The following MYCBP2 variants were observed in gnomAD, a reference collection of about 807,000 sequenced individuals.
MYCBP2 encodes E3 ubiquitin-protein ligase MYCBP2.
Under a neutral mutation model 525.3 loss-of-function variants are expected in MYCBP2, and 120 were observed. The ratio of observed to expected loss-of-function variants is 0.23; its 90% CI spans 0.20 to 0.27. The LOEUF (loss-of-function observed/expected upper bound fraction) is 0.27, where lower values mean the gene tolerates loss of function less well. Ranked by LOEUF, MYCBP2 falls within the 10% of genes least tolerant of loss-of-function variation. The probability of loss-of-function intolerance (pLI) is 1.00; values close to 1 mark genes in which losing one functional copy is unlikely to be tolerated. For synonymous variants in MYCBP2, 1,894 were observed against 1,955.8 expected (o/e 0.97, Z 0.83); for missense variants, 4,149 against 5,657.1 (o/e 0.73, Z 8.55).
At position 77,102,331 on chromosome 13, in the gene MYCBP2, C is replaced by T. The variant is rs1429805965; in HGVS notation, c.8141-3318G>A. On this transcript the variant is annotated intron_variant, in intron 55 of 82. Coordinates refer to ENST00000544440, the MANE Select transcript of MYCBP2 (RefSeq NM_015057.5). ...TATATTTCCTATTTATATGTTTATA[C>T]TGTCAATTGTATAATGAGAAACATA... 2.0e-5 allele frequency among the ~76,000 whole-genome samples: 3 copies of T among 151,438 alleles called. No homozygotes were observed. The East Asian group carries it at 5.8e-4, about 29-fold the overall frequency.
At chr13:77,267,960 C>T in intron 7 of MYCBP2, 23 bp from the exon 8 acceptor site, 1 of 1,530,770 alleles carries the variant, frequency 6.5e-7, no homozygotes, top group Non-Finnish European at 9.0e-7. Context: ...AAAAATTTTC[C>T]TGTTAAAATA....
chr13:77,088,936 A>G lies in MYCBP2; in HGVS notation c.10621T>C (p.Trp3541Arg). ...SLSKGERNFQ[W>R]PVLAFVIQHH... The stretch of plus-strand genomic sequence containing the variant: ...TGTATAACAAAAGCTAAAACTGGCC[A>G]CTGGAAATTTCGTTCTCCTTTAGAA... Residue 3541 changes from tryptophan to arginine, a missense_variant, in exon 61 of 83, where the codon TGG becomes CGG. This residue lies in a region of MYCBP2 where 509 missense variants were observed against 789.4 expected (regional missense o/e 0.64). Coordinates refer to ENST00000544440, the MANE Select transcript of MYCBP2 (RefSeq NM_015057.5). The G allele has an allele frequency of 1.2e-6, 2 of 1,613,548 alleles. No homozygotes were observed. The highest frequency in any genetic ancestry group is 1.7e-6 in the Non-Finnish European group (2 of 1,179,632).
chr13:77,274,783 G>A (rs1409700291), intron 4 of MYCBP2, among the ~76,000 whole-genome samples: 1 of 152,086 alleles, frequency 6.6e-6, no homozygotes. Context: ...AATAGCCAGG[G>A]AGAATTTCAA....
intron 52 of MYCBP2, among the ~76,000 whole-genome samples, chr13:77,136,913 A>AT (rs1456274301): frequency 3.3e-5 from 5 of 152,094 alleles, no homozygotes; most frequent in African/African-American, 1.2e-4. Flanking sequence ...CTTGTCATCT[A>AT]TATCTTTAAT....
At position 77,066,104 on chromosome 13, in the gene MYCBP2, G is replaced by GCA. The variant is rs778000864; in HGVS notation, c.12456-18_12456-17dup. On this transcript the variant is annotated splice_polypyrimidine_tract_variant and intron_variant, in intron 71 of 82. Transcript: ENST00000544440. The stretch of plus-strand genomic sequence containing the variant: ...TCGGAGATAACTACAAGAAAAATTA[G>GCA]CACTTAAAAAGCCAATAAATTATCA... 4 of 1,585,128 alleles carry GCA rather than the reference G, an allele frequency of 2.5e-6. No homozygotes were observed. The South Asian group carries it at 3.3e-5, about 13-fold the overall frequency.
chr13:77,060,012 A>G (rs1031295352), intron 76 of MYCBP2, among the ~76,000 whole-genome samples: 2 of 152,188 alleles, frequency 1.3e-5, no homozygotes, highest in African/African-American at 4.8e-5. Flanking sequence ...ATCTTTAACT[A>G]TATATAACAA....
chr13:77,142,980 T>G (rs892123240), intron 49 of MYCBP2, among the ~76,000 whole-genome samples: 5 of 152,188 alleles, frequency 3.3e-5, no homozygotes, highest in African/African-American at 9.7e-5. Context: ...TTTTCGAAAT[T>G]TATCTGATCA....
intron 18 of MYCBP2, among the ~76,000 whole-genome samples, chr13:77,226,424 C>T (rs2066275099): frequency 6.6e-6 from 1 of 152,124 alleles, no homozygotes; most frequent in Non-Finnish European, 1.5e-5. Flanking sequence ...TCACAATGTA[C>T]TTCTATACAT....
chr13:77,064,169 T>C (rs1016997751), intron 73 of MYCBP2, among the ~76,000 whole-genome samples: 1 of 152,240 alleles, frequency 6.6e-6, no homozygotes, highest in African/African-American at 2.4e-5. Context: ...TCTTGCTTTT[T>C]AGAAGTAAGA....
At chr13:77,108,692 G>A (rs1357023531) in intron 55 of MYCBP2, among the ~76,000 whole-genome samples, 1 of 151,710 alleles carries the variant, frequency 6.6e-6, no homozygotes, top group Non-Finnish European at 1.5e-5. Flanking sequence ...GTGCTTTTAG[G>A]ATAAGATACT....
intron 37 of MYCBP2, among the ~76,000 whole-genome samples, chr13:77,173,225 T>C (rs771479726): frequency 2.0e-5 from 3 of 152,224 alleles, no homozygotes; most frequent in South Asian, 2.1e-4. Context: ...TAAAGCTTAA[T>C]AGAAAACATG....
intron 27 of MYCBP2, among the ~76,000 whole-genome samples, chr13:77,193,296 G>C (rs1297192217): frequency 6.6e-6 from 1 of 152,028 alleles, no homozygotes; most frequent in Non-Finnish European, 1.5e-5. Flanking sequence ...TGCGATATTA[G>C]TTAATGCCTA....
At chr13:77,204,100 T>C (rs2154273190) in intron 26 of MYCBP2, among the ~76,000 whole-genome samples, 1 of 149,226 alleles carries the variant, frequency 6.7e-6, no homozygotes, top group South Asian at 2.1e-4. Context: ...ACCATCAGAG[T>C]GAACAGGCAA....
intron 43 of MYCBP2, among the ~76,000 whole-genome samples, chr13:77,162,315 T>A (rs1436623050): frequency 6.6e-6 from 1 of 152,238 alleles, no homozygotes; most frequent in Non-Finnish European, 1.5e-5. Flanking sequence ...TTGGTTGCCT[T>A]ACAGAAGAGC....
intron 59 of MYCBP2, chr13:77,090,603 A>G (rs554581835): frequency 9.1e-5 from 15 of 164,138 alleles, no homozygotes; most frequent in African/African-American, 3.1e-4. Context: ...TATAATCGTA[A>G]GTGCACCAAA....
chr13:77,188,408 G>A (rs549134776), intron 30 of MYCBP2, among the ~76,000 whole-genome samples: 3 of 152,106 alleles, frequency 2.0e-5, no homozygotes, highest in Admixed American at 6.5e-5. Context: ...GGTAACATAC[G>A]TAAGAATCCT....
chr13:77,283,760 G>A (rs1236957082), intron 3 of MYCBP2, among the ~76,000 whole-genome samples: 3 of 151,992 alleles, frequency 2.0e-5, no homozygotes, highest in Non-Finnish European at 2.9e-5. Flanking sequence ...ATCCTGGGGT[G>A]GTGGCAAACA....
In MYCBP2 at chr13:77,327,053, T is replaced by C. The variant is rs533333319; in HGVS notation, c.-278A>G. On this transcript the variant is annotated 5_prime_UTR_variant, in exon 1 of 83. Transcript: ENST00000544440. Reference sequence around the variant, plus strand: ...CCGCCACTGCCGCCGCCACCACCGCTACCACCGCCACCACCGCCGGGGCTA... The same window carrying C: ...CCGCCACTGCCGCCGCCACCACCGCCACCACCGCCACCACCGCCGGGGCTA... The C allele has an allele frequency of 2.7e-5, 12 of 436,542 alleles. No individual in the cohort carries two copies. Among genetic ancestry groups the C allele is most frequent in the Admixed American group, 4.4e-5 (1 of 22,838 alleles). 27.0% of individuals were successfully genotyped at this position (436,542 alleles called of 1,614,324 possible). A position where few individuals can be genotyped will look rare whatever the true frequency, so the allele number is the denominator to read the frequency against.
intron 82 of MYCBP2, among the ~76,000 whole-genome samples, chr13:77,047,206 G>A (rs1429436710): frequency 1.3e-5 from 2 of 152,140 alleles, no homozygotes; most frequent in Admixed American, 1.3e-4. Flanking sequence ...TACTACTGAG[G>A]CACTGTTCTA....
Sources: gnomAD v4.1 joint callset for allele counts (sites outside exome capture counted in the v4.1 genomes callset) on GRCh38, gnomAD v4.1.1 for gene constraint, gnomAD v4.1.1 regional missense constraint, MANE v1.5 for transcripts, NCBI Gene and HGNC (gene_info 2026-07-23, HGNC 2026-07-21) for gene names.